ARFGAP1: variants seen among roughly 807,000 people sequenced by gnomAD.
ARFGAP1 encodes ARF GTPase activating protein 1, also known as ADP-ribosylation factor GTPase-activating protein 1.
ARFGAP1 carries 26 observed loss-of-function variants against 54.0 expected under a neutral mutation model. The ratio of observed to expected loss-of-function variants is 0.48; its 90% CI spans 0.35 to 0.67. ARFGAP1 has a LOEUF of 0.67. Among genes scored for constraint, ARFGAP1 ranks in the 30% least tolerant of loss-of-function variants. The pLI is 0.00. For synonymous variants in ARFGAP1, 248 were observed against 211.9 expected (o/e 1.17, Z -1.48); for missense variants, 525 against 535.8 (o/e 0.98, Z 0.20).
chr20:63,283,586 C>T (rs565991872), intron 9 of ARFGAP1: 45 of 497,742 alleles, frequency 9.0e-5, no homozygotes, highest in East Asian at 3.1e-4. Flanking sequence ...AGTCTCCCCA[C>T]GTGCCCACCC....
rs906675692 is a variant in ARFGAP1 at position 63,288,020 on chromosome 20, C to T, written c.*147C>T. The stretch of plus-strand genomic sequence containing the variant: ...CGGGAGGCAGGACCCTAGGGAGACC[C>T]GGGTGTGCGCCGCCTGCGCGTGGGG... On this transcript the variant is annotated 3_prime_UTR_variant, in exon 13 of 13. Coordinates refer to ENST00000370283, the MANE Select transcript of ARFGAP1 (RefSeq NM_018209.4). 2.7e-5 allele frequency: 26 copies of T among 975,640 alleles called. No individual in the cohort carries two copies. Among genetic ancestry groups the T allele is most frequent in the East Asian group, 1.8e-4 (7 of 37,904 alleles). 60.4% of individuals were successfully genotyped at this position (975,640 alleles called of 1,614,324 possible). A position where few individuals can be genotyped will look rare whatever the true frequency, so the allele number is the denominator to read the frequency against.
At position 63,281,339 on chromosome 20, in the gene ARFGAP1, A is replaced by G; in HGVS notation, c.676A>G (p.Lys226Glu). 6.3e-7 allele frequency: 1 copy of G among 1,598,148 alleles called. No homozygotes were observed. The highest frequency in any genetic ancestry group is 8.5e-7 in the Non-Finnish European group (1 of 1,176,494). ...AGCCAGCCGGTTTGCCTCGGCAGCC[A>G]AGGAGGGCGTAAGTCACTGCCCCTG... is the stretch of plus-strand genomic sequence containing the variant. Reference protein sequence around the residue: ...TGASRFASAAKEGATKFGSQA... With the variant: ...TGASRFASAAEEGATKFGSQA... The change falls in exon 8 of 13, where the codon AAG becomes GAG. Residue 226 changes from lysine (K) to glutamate (E), a missense_variant. Around this residue, in one of 3 missense-constraint regions of ARFGAP1, gnomAD observed 466 missense variants for 453.6 expected, o/e 1.03. Transcript: ENST00000370283.
At chr20:63,283,994 C>T (rs1261851260) in intron 9 of ARFGAP1, 20 of 1,523,756 alleles carry the variant, frequency 1.3e-5, no homozygotes, top group South Asian at 2.5e-5. Flanking sequence ...CATGTGCGCA[C>T]GCTCAGACCC....
Position 63,278,983 on chromosome 20 carries a change from C to G in ARFGAP1, c.615C>G (p.Ser205=). ...ATGACTTCCTCAACAACGCCATGTC[C>G]TCCCTGTACTCGGTGAGGACTTGGC... The part of the protein sequence containing the change: ...KEDDFLNNAM[S]SLYSGWSSFT... The change falls in exon 7 of 13, where the codon TCC becomes TCG. Residue 205 remains serine (S), a synonymous_variant. Coordinates refer to ENST00000370283, the MANE Select transcript of ARFGAP1 (RefSeq NM_018209.4). 1.9e-6 allele frequency: 3 copies of G among 1,614,004 alleles called. 1 individual carries two copies.
In ARFGAP1 at chr20:63,289,335, G is replaced by A. The variant is rs1318685487; in HGVS notation, c.*1462G>A. On this transcript the variant is annotated 3_prime_UTR_variant, in exon 13 of 13. Transcript: ENST00000370283. Reference sequence around the variant, plus strand: ...GGGGTCTTTGAGTGTCTTTCTCCAAGCTGAGACGTGGGCGGCCGCGTGGTA... The same window carrying A: ...GGGGTCTTTGAGTGTCTTTCTCCAAACTGAGACGTGGGCGGCCGCGTGGTA... 1 of 152,282 alleles carries A rather than the reference G, an allele frequency of 6.6e-6. No individual in the cohort carries two copies. 9.4% of individuals were successfully genotyped at this position (152,282 alleles called of 1,614,324 possible). A position where few individuals can be genotyped will look rare whatever the true frequency, so the allele number is the denominator to read the frequency against.
At chr20:63,287,316 GTTTT>G (rs2067584517) in intron 12 of ARFGAP1, among the ~76,000 whole-genome samples, 1 of 152,240 alleles carries the variant, frequency 6.6e-6, no homozygotes, top group Non-Finnish European at 1.5e-5. Flanking sequence ...AGAAAAGGAA[GTTTT>G]CTGTAAAACT....
intron 8 of ARFGAP1, among the ~76,000 whole-genome samples, chr20:63,282,107 C>T (rs949035809): frequency 2.0e-5 from 3 of 151,920 alleles, no homozygotes; most frequent in South Asian, 2.1e-4. Flanking sequence ...CGTCACAGCG[C>T]GCACCTGTCA....
intron 8 of ARFGAP1, among the ~76,000 whole-genome samples, chr20:63,282,077 T>C (rs1216797548): frequency 6.7e-6 from 1 of 150,156 alleles, no homozygotes; most frequent in African/African-American, 2.5e-5. Flanking sequence ...CTGTGGTCAC[T>C]CTGGCCCCGT....
At chr20:63,287,524 G>C in intron 12 of ARFGAP1, 40 bp from the exon 13 acceptor site, 1 of 1,525,902 alleles carries the variant, frequency 6.6e-7, no homozygotes, top group Non-Finnish European at 8.9e-7. Context: ...GGTGGACTGA[G>C]TAACAGTCAT....
chr20:63,287,791 G>C lies in ARFGAP1; in HGVS notation c.1139G>C (p.Gly380Ala). The part of the protein sequence containing the change: ...ASTNRNSNSD[G>A]GEGGEGTKKA... ...ACCAACAGGAACAGCAACAGCGACG[G>C]CGGGGAGGGCGGGGAGGGCACCAAG... The change falls in exon 13 of 13, where the codon GGC (glycine) becomes GCC (alanine). Residue 380 changes from glycine to alanine, a missense_variant. Gly to Ala is a moderately conservative substitution (Grantham distance 60). Transcript: ENST00000370283. 6.3e-7 allele frequency: 1 copy of C among 1,595,476 alleles called. No homozygotes were observed. The highest frequency in any genetic ancestry group is 1.1e-5 in the South Asian group (1 of 88,604).
At chr20:63,283,756 G>A in intron 9 of ARFGAP1, 2 of 1,409,790 alleles carry the variant, frequency 1.4e-6, no homozygotes, top group East Asian at 2.3e-5. Flanking sequence ...CCTTAGTGTT[G>A]CGGCACCCCA....
chr20:63,277,415 C>A, intron 5 of ARFGAP1, 110 bp downstream of exon 5: 1 of 964,070 alleles, frequency 1.0e-6, no homozygotes, highest in Non-Finnish European at 1.4e-6. Context: ...AGCTCTTTTC[C>A]CAGAAGTCAG....
At chr20:63,283,199 G>T in intron 9 of ARFGAP1, 1 of 414,526 alleles carries the variant, frequency 2.4e-6, no homozygotes, top group Non-Finnish European at 4.4e-6. Flanking sequence ...GGGCCGCTGT[G>T]GTTGGTGCTG....
Position 63,278,780 on chromosome 20 carries a change from C to T in ARFGAP1, c.531-119C>T, listed in dbSNP as rs116492416. 2.3e-3 allele frequency: 1,798 copies of T among 784,218 alleles called. 22 individuals carry two copies. The African/African-American group carries it at 0.028, about 12-fold the overall frequency. The allele number at this position is 784,218 out of a possible 1,614,324, so 48.6% of individuals were successfully genotyped here. On this transcript the variant is annotated intron_variant, in intron 6 of 12. Coordinates refer to ENST00000370283, the MANE Select transcript of ARFGAP1 (RefSeq NM_018209.4). ...CAGGAGGCAGCGTGCATGTCCTGTG[C>T]GTGGGGACGTTGGCACGTCCCCCAG...
intron 5 of ARFGAP1, 95 bp from the exon 6 acceptor site, chr20:63,278,022 T>A (rs2067277592): frequency 1.7e-6 from 2 of 1,154,856 alleles, no homozygotes; most frequent in South Asian, 1.2e-5. Flanking sequence ...GTGAAGGCAC[T>A]GCCCACGTAG....
At chr20:63,284,989 G>C (rs994621028) in intron 10 of ARFGAP1, 67 bp downstream of exon 10, 35 of 1,570,142 alleles carry the variant, frequency 2.2e-5, no homozygotes, top group Non-Finnish European at 2.9e-5. Context: ...TGTGTCAGGG[G>C]TGTTAGGGGG....
intron 7 of ARFGAP1, among the ~76,000 whole-genome samples, chr20:63,280,646 A>G (rs1235018652): frequency 1.3e-5 from 2 of 152,212 alleles, no homozygotes; most frequent in Non-Finnish European, 2.9e-5. Flanking sequence ...AGTCATTGCT[A>G]CATCTTTAGG....
intron 8 of ARFGAP1, among the ~76,000 whole-genome samples, chr20:63,282,086 G>GTGTCTTCC (rs1293732926): frequency 2.6e-5 from 4 of 152,038 alleles, no homozygotes; most frequent in Non-Finnish European, 5.9e-5. Context: ...CTCTGGCCCC[G>GTGTCTTCC]TGTCTTCCCC....
chr20:63,273,482 CA>C (rs2067155300), intron 1 of ARFGAP1: 1 of 152,202 alleles, frequency 6.6e-6, no homozygotes, highest in Non-Finnish European at 1.5e-5. Context: ...CGTTATTTTT[CA>C]AGATAAACTA....
Sources: allele counts gnomAD v4.1 joint callset (sites outside exome capture counted in the v4.1 genomes callset), GRCh38; gene constraint gnomAD v4.1.1; regional missense constraint gnomAD v4.1.1; transcripts MANE v1.5; gene names NCBI Gene and HGNC (gene_info 2026-07-23, HGNC 2026-07-21).